Variants in CNTNAP2 observed in about 807,000 individuals in gnomAD.
The protein encoded by CNTNAP2 is contactin associated protein 2, also known as contactin-associated protein-like 2.
Under a neutral mutation model 155.2 loss-of-function variants are expected in CNTNAP2, and 98 were observed. The observed-to-expected ratio is 0.63, with a 90% confidence interval of 0.54 to 0.75. The LOEUF (loss-of-function observed/expected upper bound fraction) is 0.75, where lower values mean the gene tolerates loss of function less well. Ranked by LOEUF, CNTNAP2 falls within the 30% of genes least tolerant of loss-of-function variation. The probability of loss-of-function intolerance (pLI) is 0.00; values close to 1 mark genes in which losing one functional copy is unlikely to be tolerated. For synonymous variants in CNTNAP2, 651 were observed against 631.2 expected (o/e 1.03, Z -0.47); for missense variants, 1,727 against 1,688.1 (o/e 1.02, Z -0.40).
At chr7:146,677,354 A>G (rs1342816428) in intron 1 of CNTNAP2, among the ~76,000 whole-genome samples, 1 of 152,166 alleles carries the variant, frequency 6.6e-6, no homozygotes, top group Non-Finnish European at 1.5e-5. Flanking sequence ...TTGATCATGC[A>G]GACAAAACCT....
chr7:148,035,010 G>A (rs778150098), intron 15 of CNTNAP2, among the ~76,000 whole-genome samples: 1 of 152,212 alleles, frequency 6.6e-6, no homozygotes, highest in Non-Finnish European at 1.5e-5. Flanking sequence ...CAGAATTTAA[G>A]AGTAATGGAC....
At chr7:147,578,042 C>T (rs781316807) in intron 12 of CNTNAP2, among the ~76,000 whole-genome samples, 15 of 152,114 alleles carry the variant, frequency 9.9e-5, no homozygotes, top group East Asian at 1.9e-4. Context: ...TCATTGTGGC[C>T]GCTTTAGAAT....
At chr7:147,543,672 A>T (rs189928958) in intron 11 of CNTNAP2, among the ~76,000 whole-genome samples, 1 of 152,254 alleles carries the variant, frequency 6.6e-6, no homozygotes, top group African/African-American at 2.4e-5. Context: ...CATAGGCGTG[A>T]TCTTGATGCA....
At chr7:146,298,855 C>G (rs1444980497) in intron 1 of CNTNAP2, among the ~76,000 whole-genome samples, 8 of 152,124 alleles carry the variant, frequency 5.3e-5, no homozygotes, top group Non-Finnish European at 7.3e-5. Flanking sequence ...AGAGCATGCC[C>G]TTGACAGTCA....
chr7:147,589,222 G>C (rs937730750), intron 12 of CNTNAP2, among the ~76,000 whole-genome samples: 14 of 152,106 alleles, frequency 9.2e-5, no homozygotes, highest in African/African-American at 3.4e-4. Context: ...CCTCAAATCA[G>C]ACAGCTGGTT....
At chr7:146,281,128 A>C (rs1465593361) in intron 1 of CNTNAP2, among the ~76,000 whole-genome samples, 1 of 152,102 alleles carries the variant, frequency 6.6e-6, no homozygotes, top group African/African-American at 2.4e-5. Context: ...AATTTTTTAG[A>C]TCATCTGAAC....
intron 2 of CNTNAP2, among the ~76,000 whole-genome samples, chr7:146,814,833 G>T (rs184047626): frequency 2.0e-5 from 3 of 152,192 alleles, no homozygotes; most frequent in African/African-American, 4.8e-5. Flanking sequence ...GTCATTTCTG[G>T]TATGATCAAA....
intron 14 of CNTNAP2, among the ~76,000 whole-genome samples, chr7:147,938,399 T>C (rs147310634): frequency 0.019 from 2,832 of 152,092 alleles, 32 homozygotes; most frequent in Non-Finnish European, 0.025. Flanking sequence ...ATAAAAGAAC[T>C]TGGAATATTA....
chr7:146,585,385 G>C (rs1473467154), intron 1 of CNTNAP2, among the ~76,000 whole-genome samples: 1 of 152,100 alleles, frequency 6.6e-6, no homozygotes, highest in Non-Finnish European at 1.5e-5. Flanking sequence ...CTCCCAAAGT[G>C]CTGGGATTAC....
chr7:147,472,204 C>CTTTTTTTTTTTTTTTTTTTTTT (rs542047274), intron 10 of CNTNAP2, among the ~76,000 whole-genome samples: 27 of 81,068 alleles, frequency 3.3e-4, no homozygotes, highest in African/African-American at 1.3e-3. Flanking sequence ...TCTTTTTTTC[C>CTTTTTTTTTTTTTTTTTTTTTT]TTTTTTTTTT....
intron 3 of CNTNAP2, among the ~76,000 whole-genome samples, chr7:146,990,994 G>A (rs1282972607): frequency 2.6e-5 from 4 of 152,054 alleles, no homozygotes; most frequent in Non-Finnish European, 5.9e-5. Context: ...TGCCATTTTG[G>A]TTGATTTCCT....
At chr7:148,048,926 G>T (rs1463218818) in intron 15 of CNTNAP2, among the ~76,000 whole-genome samples, 3 of 151,840 alleles carry the variant, frequency 2.0e-5, no homozygotes, top group Admixed American at 6.6e-5. Context: ...TAAAAATGTG[G>T]CTAGGCCGGG....
chr7:147,354,082 G>T (rs1372298710), intron 9 of CNTNAP2, among the ~76,000 whole-genome samples: 1 of 151,854 alleles, frequency 6.6e-6, no homozygotes, highest in Non-Finnish European at 1.5e-5. Flanking sequence ...CCATTCTGTA[G>T]GTTGCCTAGT....
At chr7:147,555,802 T>C (rs188311708) in intron 11 of CNTNAP2, among the ~76,000 whole-genome samples, 30 of 152,220 alleles carry the variant, frequency 2.0e-4, no homozygotes, top group Non-Finnish European at 4.4e-4. Flanking sequence ...GCACGAGGAG[T>C]AGACAGGTGT....
At chr7:147,483,714 CAAGGATGTTTTAGTTTCATGT>C (rs1479974642) in intron 10 of CNTNAP2, among the ~76,000 whole-genome samples, 5 of 152,156 alleles carry the variant, frequency 3.3e-5, no homozygotes, top group Non-Finnish European at 7.3e-5. Flanking sequence ...AATTAAGTAT[CAAGGATGTTTTAGTTTCATGT>C]AATTTTGAAG....
At chr7:146,954,635 C>T (rs1446457742) in intron 3 of CNTNAP2, among the ~76,000 whole-genome samples, 1 of 151,530 alleles carries the variant, frequency 6.6e-6, no homozygotes, top group African/African-American at 2.4e-5. Flanking sequence ...CACATTGTTT[C>T]TATATCTTTT....
At chr7:146,930,304 A>AT (rs1414003326) in intron 3 of CNTNAP2, among the ~76,000 whole-genome samples, 3 of 152,130 alleles carry the variant, frequency 2.0e-5, no homozygotes, top group Non-Finnish European at 4.4e-5. Context: ...AAAGAAAAGA[A>AT]TTTTCAACCC....
chr7:147,887,580 C>T (rs996242815), intron 13 of CNTNAP2, among the ~76,000 whole-genome samples: 2 of 152,070 alleles, frequency 1.3e-5, no homozygotes, highest in Non-Finnish European at 2.9e-5. Context: ...AAATCATGAA[C>T]CAAGGTTATA....
chr7:146,894,719 T>C (rs182335406), intron 3 of CNTNAP2, among the ~76,000 whole-genome samples: 14 of 152,302 alleles, frequency 9.2e-5, no homozygotes, highest in Admixed American at 9.2e-4. Flanking sequence ...CTTTAATATT[T>C]AATTTACTTT....
Sources: allele counts gnomAD v4.1 joint callset (sites outside exome capture counted in the v4.1 genomes callset), GRCh38; gene constraint gnomAD v4.1.1; transcripts MANE v1.5; gene names NCBI Gene and HGNC (gene_info 2026-07-23, HGNC 2026-07-21).